Variants in LDB2 observed in about 807,000 individuals in gnomAD.
LDB2 encodes LIM domain binding 2.
Under a neutral mutation model 44.3 loss-of-function variants are expected in LDB2, and 12 were observed. The ratio of observed to expected loss-of-function variants is 0.27; its 90% CI spans 0.17 to 0.44. LDB2 has a LOEUF of 0.44. Among genes scored for constraint, LDB2 ranks in the 20% least tolerant of loss-of-function variants. The probability of loss-of-function intolerance (pLI) is 1.00; values close to 1 mark genes in which losing one functional copy is unlikely to be tolerated. For synonymous variants in LDB2, 164 were observed against 174.8 expected, an observed-to-expected ratio of 0.94 and a Z score of 0.49; for missense variants, 344 against 473.5, an observed-to-expected ratio of 0.73 and a Z score of 2.54.
chr4:16,665,323 T>C (rs1353580253), intron 2 of LDB2, among the ~76,000 whole-genome samples: 2 of 143,926 alleles, frequency 1.4e-5, no homozygotes, highest in African/African-American at 5.2e-5. Context: ...TGGAGTGCAG[T>C]GGTGTGATCT....
At chr4:16,878,345 T>TA (rs1198864520) in intron 1 of LDB2, among the ~76,000 whole-genome samples, 2 of 152,238 alleles carry the variant, frequency 1.3e-5, no homozygotes, top group African/African-American at 2.4e-5. Context: ...GAAGGGTTCC[T>TA]ACTCTCTTAT....
At chr4:16,711,345 T>G (rs1457412522) in intron 2 of LDB2, among the ~76,000 whole-genome samples, 1 of 152,232 alleles carries the variant, frequency 6.6e-6, no homozygotes, top group Non-Finnish European at 1.5e-5. Context: ...GACACTGTGC[T>G]GGGCTCTCTC....
At chr4:16,534,642 C>T (rs574176595) in intron 5 of LDB2, among the ~76,000 whole-genome samples, 10 of 152,260 alleles carry the variant, frequency 6.6e-5, no homozygotes, top group African/African-American at 1.7e-4. Flanking sequence ...AATAGCTTTG[C>T]CCATGTGGTA....
chr4:16,834,598 G>T (rs1784588409), intron 1 of LDB2, among the ~76,000 whole-genome samples: 1 of 152,170 alleles, frequency 6.6e-6, no homozygotes, highest in Non-Finnish European at 1.5e-5. Context: ...GGAGGTCGAG[G>T]CGGGCGGATC....
At chr4:16,890,886 T>C (rs1723176011) in intron 1 of LDB2, among the ~76,000 whole-genome samples, 1 of 152,120 alleles carries the variant, frequency 6.6e-6, no homozygotes, top group Non-Finnish European at 1.5e-5. Context: ...ACAAAGAACT[T>C]CTGCAGACAG....
At chr4:16,642,908 A>G (rs1470649682) in intron 2 of LDB2, among the ~76,000 whole-genome samples, 1 of 152,204 alleles carries the variant, frequency 6.6e-6, no homozygotes. Context: ...AGAAAATTGT[A>G]GAGGGGTGGC....
intron 2 of LDB2, among the ~76,000 whole-genome samples, chr4:16,604,926 T>G (rs1389929960): frequency 6.6e-6 from 1 of 152,200 alleles, no homozygotes; most frequent in Non-Finnish European, 1.5e-5. Flanking sequence ...ATTCATTCCT[T>G]TCACAAATGT....
intron 5 of LDB2, among the ~76,000 whole-genome samples, chr4:16,548,029 G>A (rs1736372008): frequency 1.3e-5 from 2 of 151,602 alleles, no homozygotes; most frequent in African/African-American, 4.9e-5. Context: ...CGTCATCTTG[G>A]CTCACTGCAA....
At chr4:16,863,573 T>C (rs182648593) in intron 1 of LDB2, among the ~76,000 whole-genome samples, 23 of 151,970 alleles carry the variant, frequency 1.5e-4, no homozygotes, top group Non-Finnish European at 4.4e-5. Context: ...GCCAGGTGAC[T>C]GAGTTTTATA....
chr4:16,523,919 C>G (rs554663445), intron 5 of LDB2, among the ~76,000 whole-genome samples: 1 of 152,188 alleles, frequency 6.6e-6, no homozygotes, highest in Non-Finnish European at 1.5e-5. Flanking sequence ...ACTAATATTA[C>G]GCCCTAGCTA....
intron 2 of LDB2, among the ~76,000 whole-genome samples, chr4:16,731,495 G>A (rs1760749706): frequency 6.6e-6 from 1 of 152,092 alleles, no homozygotes; most frequent in South Asian, 2.1e-4. Flanking sequence ...GCACGTGTGT[G>A]TGTGCTCTCT....
At chr4:16,523,653 T>C (rs1197891151) in intron 5 of LDB2, among the ~76,000 whole-genome samples, 2 of 152,106 alleles carry the variant, frequency 1.3e-5, no homozygotes, top group African/African-American at 4.8e-5. Flanking sequence ...ATAGTGTAGA[T>C]AGTGTGTATC....
chr4:16,747,230 C>T (rs1764574074), intron 2 of LDB2, among the ~76,000 whole-genome samples: 1 of 152,170 alleles, frequency 6.6e-6, no homozygotes, highest in African/African-American at 2.4e-5. Context: ...AGCTGCTGCA[C>T]TGCTGTGAAC....
In LDB2 at chr4:16,609,360, G is replaced by GA. The variant is rs1477705772; in HGVS notation, c.236-13486dup. Among the ~76,000 whole-genome samples, 69 of 138,342 alleles carry GA rather than the reference G, an allele frequency of 5.0e-4. 2 individuals carry two copies. Among genetic ancestry groups the GA allele is most frequent in the African/African-American group, 1.7e-3 (64 of 37,298 alleles). The allele number at this position is 138,342 out of a possible 152,430, so 90.8% of individuals were successfully genotyped here. On this transcript the variant is annotated intron_variant, in intron 2 of 7. Transcript: ENST00000304523. ...CTCCCAGGGGAGGGGGCGGGGGGGGGAGGGGAAGGGCAACCAGCTGCCTGC... is the reference window on the plus strand; with the variant it reads ...CTCCCAGGGGAGGGGGCGGGGGGGGGAAGGGGAAGGGCAACCAGCTGCCTGC...
intron 2 of LDB2, among the ~76,000 whole-genome samples, chr4:16,687,069 A>T (rs79717989): frequency 0.018 from 2,759 of 151,670 alleles, 34 homozygotes; most frequent in Non-Finnish European, 0.027. Context: ...GGTGAAAAAA[A>T]TACTGTATAT....
chr4:16,760,607 TTAAC>T (rs1767687865), intron 1 of LDB2, among the ~76,000 whole-genome samples: 1 of 152,120 alleles, frequency 6.6e-6, no homozygotes, highest in African/African-American at 2.4e-5. Flanking sequence ...TATTGGGCAC[TTAAC>T]TATGTGTAGG....
intron 2 of LDB2, among the ~76,000 whole-genome samples, chr4:16,626,320 A>G (rs932015240): frequency 6.6e-6 from 1 of 152,140 alleles, no homozygotes; most frequent in African/African-American, 2.4e-5. Context: ...TTTATCACCA[A>G]TTGAAGTCCC....
chr4:16,558,600 T>G lies in LDB2; in HGVS notation c.615+27322A>C, dbSNP rs1183967636. On this transcript the variant is annotated intron_variant, in intron 5 of 7. Coordinates refer to ENST00000304523, the MANE Select transcript of LDB2 (RefSeq NM_001290.5). ...TACGTCTGATTGGTGTACCTGAAAG[T>G]GACGGGGAGAATGGAACCAAGTTGG... 2.0e-5 allele frequency among the ~76,000 whole-genome samples: 3 copies of G among 152,162 alleles called. 1 individual carries two copies. The highest frequency in any genetic ancestry group is 7.2e-5 in the African/African-American group (3 of 41,428).
At chr4:16,616,546 A>G (rs959003920) in intron 2 of LDB2, among the ~76,000 whole-genome samples, 1 of 152,082 alleles carries the variant, frequency 6.6e-6, no homozygotes, top group African/African-American at 2.4e-5. Context: ...GAGGAGATGG[A>G]AACAGCCACC....
Sources: gnomAD v4.1 joint callset for allele counts (sites outside exome capture counted in the v4.1 genomes callset) on GRCh38, gnomAD v4.1.1 for gene constraint, MANE v1.5 for transcripts, NCBI Gene and HGNC (gene_info 2026-07-23, HGNC 2026-07-21) for gene names.